Variants in CDH12 observed in about 807,000 individuals in gnomAD.
CDH12 encodes the protein cadherin-12.
In CDH12, 41 loss-of-function variants were observed where a neutral mutation model predicts 74.1. The ratio of observed to expected loss-of-function variants is 0.55; its 90% CI spans 0.43 to 0.72. The LOEUF is 0.72. Ranked by LOEUF, CDH12 falls within the 30% of genes least tolerant of loss-of-function variation. The pLI is 0.00. For missense variants in CDH12, 945 were observed against 977.2 expected (o/e 0.97, Z 0.44); for synonymous variants, 399 against 355.0 (o/e 1.12, Z -1.39).
intron 10 of CDH12, among the ~76,000 whole-genome samples, chr5:21,796,281 A>C (rs1379937693): frequency 6.6e-6 from 1 of 152,046 alleles, no homozygotes; most frequent in African/African-American, 2.4e-5. Flanking sequence ...CTGTTTGAGC[A>C]ACTTACGTTA....
intron 4 of CDH12, among the ~76,000 whole-genome samples, chr5:22,104,675 A>G (rs1744327782): frequency 6.6e-6 from 1 of 152,196 alleles, no homozygotes; most frequent in South Asian, 2.1e-4. Context: ...AACCCTACCA[A>G]AAGTCTCGGA....
intron 6 of CDH12, among the ~76,000 whole-genome samples, chr5:21,959,896 A>C (rs900686531): frequency 3.4e-5 from 5 of 146,584 alleles, no homozygotes; most frequent in African/African-American, 1.0e-4. Context: ...ACTGCACTAT[A>C]GCCTGGCGAC....
chr5:22,554,330 T>C (rs1410743940), intron 1 of CDH12, among the ~76,000 whole-genome samples: 1 of 152,128 alleles, frequency 6.6e-6, no homozygotes, highest in East Asian at 1.9e-4. Flanking sequence ...GATGTGTCCA[T>C]GTAGGTTTAT....
At chr5:22,058,709 A>G (rs1740934323) in intron 5 of CDH12, among the ~76,000 whole-genome samples, 1 of 151,152 alleles carries the variant, frequency 6.6e-6, no homozygotes, top group Admixed American at 6.6e-5. Flanking sequence ...AGAAGAAAGA[A>G]AAAGAAAGAA....
At chr5:22,463,509 T>C (rs762535741) in intron 2 of CDH12, among the ~76,000 whole-genome samples, 11 of 152,138 alleles carry the variant, frequency 7.2e-5, no homozygotes, top group Non-Finnish European at 1.2e-4. Flanking sequence ...AAATGTCTAG[T>C]ACTAGCCAAA....
chr5:22,804,578 G>T (rs1748691434), intron 1 of CDH12, among the ~76,000 whole-genome samples: 1 of 152,120 alleles, frequency 6.6e-6, no homozygotes, highest in Non-Finnish European at 1.5e-5. Flanking sequence ...TCAGCCTTGA[G>T]GTAGACCACC....
chr5:21,770,754 T>C (rs115583440), intron 11 of CDH12, among the ~76,000 whole-genome samples: 2,804 of 152,234 alleles, frequency 0.018, 62 homozygotes, highest in African/African-American at 0.056. Flanking sequence ...TAAGGACACA[T>C]GCACATGTAT....
At chr5:22,817,560 T>A (rs1749454158) in intron 1 of CDH12, among the ~76,000 whole-genome samples, 1 of 152,150 alleles carries the variant, frequency 6.6e-6, no homozygotes, top group African/African-American at 2.4e-5. Context: ...ATACACATAT[T>A]CATTTAATTT....
chr5:22,192,779 G>A lies in CDH12; in HGVS notation c.-187+19719C>T, dbSNP rs1420888641. Reference sequence around the variant, plus strand: ...AGAGAGCCATGGAGATTTCATGTAGGTAAGTGATAAGGTTATATTTGTATT... The same window carrying A: ...AGAGAGCCATGGAGATTTCATGTAGATAAGTGATAAGGTTATATTTGTATT... On this transcript the variant is annotated intron_variant, in intron 4 of 14. Transcript: ENST00000382254. Among the ~76,000 whole-genome samples the A allele has an allele frequency of 5.9e-5, 9 of 152,202 alleles. No individual in the cohort carries two copies. In the East Asian group the frequency reaches 1.5e-3, roughly 26 times the overall value.
chr5:22,777,179 A>C (rs1428368030), intron 1 of CDH12, among the ~76,000 whole-genome samples: 2 of 152,204 alleles, frequency 1.3e-5, no homozygotes, highest in Non-Finnish European at 2.9e-5. Context: ...GAAATAATGC[A>C]GAAAGAGGAA....
At chr5:21,778,358 T>C (rs1056932352) in intron 11 of CDH12, among the ~76,000 whole-genome samples, 1 of 151,452 alleles carries the variant, frequency 6.6e-6, no homozygotes, top group Non-Finnish European at 1.5e-5. Flanking sequence ...GCTATTAATA[T>C]AGTTTATTAC....
At position 22,698,122 on chromosome 5, in the gene CDH12, C is replaced by CTTTT. The variant is rs10677695; in HGVS notation, c.-523+154932_-523+154935dup. Among the ~76,000 whole-genome samples, 16 of 91,196 alleles carry CTTTT rather than the reference C, an allele frequency of 1.8e-4. 4 individuals carry two copies. The highest frequency in any genetic ancestry group is 8.4e-4 in the Admixed American group (5 of 5,946). 59.8% of individuals were successfully genotyped at this position (91,196 alleles called of 152,430 possible). The stretch of plus-strand genomic sequence containing the variant: ...CCTTAATGCCCGCATAAAGGCAGGG[C>CTTTT]TTTTTTTTTTTTTTTTGAGATGGAG... On this transcript the variant is annotated intron_variant, in intron 1 of 14. Coordinates refer to ENST00000382254, the MANE Select transcript of CDH12 (RefSeq NM_004061.5).
At chr5:22,007,115 A>T (rs1440713538) in intron 5 of CDH12, among the ~76,000 whole-genome samples, 1 of 152,150 alleles carries the variant, frequency 6.6e-6, no homozygotes, top group African/African-American at 2.4e-5. Context: ...CTATTCTTGG[A>T]TTGCATAGGA....
intron 2 of CDH12, among the ~76,000 whole-genome samples, chr5:22,441,671 C>T (rs1744628408): frequency 6.6e-6 from 1 of 151,980 alleles, no homozygotes; most frequent in Non-Finnish European, 1.5e-5. Context: ...TGTTAGTAAA[C>T]ACACAAAAAT....
chr5:21,805,133 C>A (rs1167256954), intron 9 of CDH12, among the ~76,000 whole-genome samples: 1 of 152,066 alleles, frequency 6.6e-6, no homozygotes, highest in Non-Finnish European at 1.5e-5. Flanking sequence ...CTTTCTTAGG[C>A]AAAAATTAAC....
At chr5:22,681,778 A>T (rs1161310197) in intron 1 of CDH12, among the ~76,000 whole-genome samples, 1 of 152,036 alleles carries the variant, frequency 6.6e-6, no homozygotes, top group Non-Finnish European at 1.5e-5. Context: ...TTCTTACGCT[A>T]GGTTTCACAT....
intron 5 of CDH12, among the ~76,000 whole-genome samples, chr5:21,985,952 T>C (rs1293176565): frequency 6.6e-6 from 1 of 152,186 alleles, no homozygotes; most frequent in Admixed American, 6.5e-5. Flanking sequence ...CATTCTATGC[T>C]AGTCTACTCT....
At chr5:22,241,912 A>G (rs992652870) in intron 3 of CDH12, among the ~76,000 whole-genome samples, 1 of 152,104 alleles carries the variant, frequency 6.6e-6, no homozygotes, top group Non-Finnish European at 1.5e-5. Flanking sequence ...TTTGAAGGTC[A>G]TTATAAATTT....
At chr5:22,719,500 G>A (rs1200116178) in intron 1 of CDH12, among the ~76,000 whole-genome samples, 1 of 152,150 alleles carries the variant, frequency 6.6e-6, no homozygotes, top group Non-Finnish European at 1.5e-5. Context: ...GTGAATGCAT[G>A]TGACTGCAAA....
Sources: gnomAD v4.1 joint callset for allele counts (sites outside exome capture counted in the v4.1 genomes callset) on GRCh38, gnomAD v4.1.1 for gene constraint, MANE v1.5 for transcripts, NCBI Gene and HGNC (gene_info 2026-07-23, HGNC 2026-07-21) for gene names.